Variants in SDK1 observed in about 807,000 individuals in gnomAD.
SDK1 encodes protein sidekick-1.
SDK1 carries 157 observed loss-of-function variants against 245.5 expected under a neutral mutation model. That is an observed-to-expected ratio of 0.64 (90% CI 0.56 to 0.73). SDK1 has a LOEUF of 0.73. SDK1 is among the 30% of genes least tolerant of loss of function. The probability of loss-of-function intolerance (pLI) is 0.00; values close to 1 mark genes in which losing one functional copy is unlikely to be tolerated. For synonymous variants in SDK1, 1,647 were observed against 1,278.5 expected, an observed-to-expected ratio of 1.29 and a Z score of -6.15; for missense variants, 3,583 against 3,002.3, an observed-to-expected ratio of 1.19 and a Z score of -4.52.
intron 5 of SDK1, among the ~76,000 whole-genome samples, chr7:3,842,892 G>A (rs1780193493): frequency 6.6e-6 from 1 of 152,130 alleles, no homozygotes; most frequent in South Asian, 2.1e-4. Flanking sequence ...TGTGGCTCCA[G>A]CGTTCACCAC....
intron 5 of SDK1, among the ~76,000 whole-genome samples, chr7:3,867,499 T>A (rs1171604602): frequency 6.6e-6 from 1 of 152,150 alleles, no homozygotes; most frequent in Non-Finnish European, 1.5e-5. Flanking sequence ...CTCACAATCA[T>A]GGTGGAAGGC....
At chr7:3,440,567 T>C (rs1780166411) in intron 1 of SDK1, among the ~76,000 whole-genome samples, 1 of 152,192 alleles carries the variant, frequency 6.6e-6, no homozygotes, top group Non-Finnish European at 1.5e-5. Context: ...CAAGTAACCC[T>C]TATTTTAATT....
At chr7:3,406,752 A>G (rs974483916) in intron 1 of SDK1, among the ~76,000 whole-genome samples, 6 of 152,184 alleles carry the variant, frequency 3.9e-5, no homozygotes, top group African/African-American at 9.7e-5. Flanking sequence ...AGCATGCACA[A>G]TGTCCATGTA....
chr7:3,534,861 A>G (rs1778828868), intron 1 of SDK1, among the ~76,000 whole-genome samples: 1 of 152,206 alleles, frequency 6.6e-6, no homozygotes, highest in African/African-American at 2.4e-5. Context: ...TGGTGGCCCC[A>G]TCTTCCCTTC....
intron 1 of SDK1, among the ~76,000 whole-genome samples, chr7:3,398,958 C>T (rs1025458282): frequency 3.3e-5 from 5 of 152,096 alleles, no homozygotes; most frequent in Admixed American, 2.6e-4. Flanking sequence ...TAAGAATTGT[C>T]CATGTTCAAG....
intron 1 of SDK1, among the ~76,000 whole-genome samples, chr7:3,504,630 C>T (rs923335807): frequency 2.6e-5 from 4 of 152,038 alleles, no homozygotes; most frequent in African/African-American, 9.7e-5. Context: ...TGTTTAGATC[C>T]CTACCTCACA....
intron 4 of SDK1, among the ~76,000 whole-genome samples, chr7:3,765,487 C>T (rs929929006): frequency 1.3e-5 from 2 of 152,142 alleles, no homozygotes; most frequent in African/African-American, 2.4e-5. Context: ...GATTCACCTG[C>T]GCTGTGGTGA....
At chr7:4,161,903 T>A (rs1399972692) in intron 32 of SDK1, 47 bp downstream of exon 32, 13 of 1,529,656 alleles carry the variant, frequency 8.5e-6, no homozygotes, top group Non-Finnish European at 1.2e-5. Context: ...GTGTTCTCAT[T>A]TCCCTGCGCA....
chr7:3,512,192 C>T (rs747577794), intron 1 of SDK1, among the ~76,000 whole-genome samples: 4 of 151,926 alleles, frequency 2.6e-5, no homozygotes, highest in African/African-American at 7.3e-5. Context: ...TGCAGAATGT[C>T]GTATCATTGG....
intron 29 of SDK1, among the ~76,000 whole-genome samples, chr7:4,146,439 G>A (rs1354629073): frequency 6.7e-6 from 1 of 149,298 alleles, no homozygotes; most frequent in Non-Finnish European, 1.5e-5. Flanking sequence ...TCTCAGACAT[G>A]TGAGCATTGC....
intron 4 of SDK1, among the ~76,000 whole-genome samples, chr7:3,799,044 A>C (rs552555962): frequency 1.4e-3 from 216 of 152,272 alleles, no homozygotes; most frequent in Admixed American, 2.5e-3. Flanking sequence ...CTTCGCCTTC[A>C]ATTATTTATT....
intron 1 of SDK1, among the ~76,000 whole-genome samples, chr7:3,571,405 T>C (rs1780111875): frequency 6.6e-6 from 1 of 152,082 alleles, no homozygotes; most frequent in East Asian, 1.9e-4. Flanking sequence ...TGGATTCAAG[T>C]GATCCTCCAG....
At chr7:3,417,065 C>T (rs985916147) in intron 1 of SDK1, among the ~76,000 whole-genome samples, 2 of 151,884 alleles carry the variant, frequency 1.3e-5, no homozygotes, top group African/African-American at 4.8e-5. Flanking sequence ...TCCTAGCTAC[C>T]GGGAAGGCTG....
intron 12 of SDK1, among the ~76,000 whole-genome samples, chr7:3,972,740 C>T (rs560168358): frequency 2.6e-4 from 40 of 152,278 alleles, no homozygotes; most frequent in Middle Eastern, 3.4e-3. Context: ...CGCGGAGACT[C>T]GGCTGTTCTC....
At chr7:4,012,592 T>TTTTG (rs1786076431) in intron 16 of SDK1, among the ~76,000 whole-genome samples, 1 of 126,324 alleles carries the variant, frequency 7.9e-6, no homozygotes, top group Non-Finnish European at 1.6e-5. Context: ...TTTTTTTTTT[T>TTTTG]GATGGAGTTT....
At chr7:3,624,830 G>A (rs956219347) in intron 2 of SDK1, among the ~76,000 whole-genome samples, 5 of 151,996 alleles carry the variant, frequency 3.3e-5, no homozygotes, top group Non-Finnish European at 5.9e-5. Flanking sequence ...CGCATCACCT[G>A]AGGTCAGGAG....
At chr7:3,514,102 GGAAA>G (rs1439524408) in intron 1 of SDK1, among the ~76,000 whole-genome samples, 11 of 152,146 alleles carry the variant, frequency 7.2e-5, no homozygotes, top group Middle Eastern at 3.2e-3. Context: ...TCAGAAGTAA[GGAAA>G]GAAGAGAGGG....
intron 1 of SDK1, among the ~76,000 whole-genome samples, chr7:3,356,462 C>T (rs561178064): frequency 2.0e-5 from 3 of 152,130 alleles, no homozygotes; most frequent in African/African-American, 7.2e-5. Flanking sequence ...TGTTATAATT[C>T]ATACGAGTTG....
At chr7:3,516,853 G>T (rs1782768649) in intron 1 of SDK1, among the ~76,000 whole-genome samples, 1 of 152,084 alleles carries the variant, frequency 6.6e-6, no homozygotes. Context: ...AACTGTAATA[G>T]ACTTTATCAC....
Sources: gnomAD v4.1 joint callset for allele counts (sites outside exome capture counted in the v4.1 genomes callset) on GRCh38, gnomAD v4.1.1 for gene constraint, MANE v1.5 for transcripts, NCBI Gene and HGNC (gene_info 2026-07-23, HGNC 2026-07-21) for gene names.